PHKB: variants seen among roughly 807,000 people sequenced by gnomAD.
PHKB encodes phosphorylase b kinase regulatory subunit beta.
In PHKB, 122 loss-of-function variants were observed where a neutral mutation model predicts 152.1. The observed-to-expected ratio is 0.80, with a 90% CI of 0.69 to 0.93. PHKB has a LOEUF of 0.93. PHKB is among the 40% of genes least tolerant of loss of function. PHKB has a pLI of 0.00. For missense variants in PHKB, 1,304 were observed against 1,328.4 expected, an observed-to-expected ratio of 0.98 and a Z score of 0.29; for synonymous variants, 436 against 464.9, an observed-to-expected ratio of 0.94 and a Z score of 0.80.
In PHKB at chr16:47,654,694, T is replaced by A. The variant is rs1973301736; in HGVS notation, c.1971+3773T>A. 2.6e-5 allele frequency among the ~76,000 whole-genome samples: 4 copies of A among 151,342 alleles called. No individual in the cohort carries two copies. In the South Asian group the frequency reaches 8.3e-4, roughly 31 times the overall value. ...GGAAACCATCATTCTCAGCAAACTA[T>A]CGCAAGGACGGAAAACCGAACACCA... On this transcript the variant is annotated intron_variant, in intron 20 of 30. Transcript: ENST00000323584.
chr16:47,616,695 T>TTAATATATGATATTTTACATA (rs1972524945), intron 14 of PHKB, among the ~76,000 whole-genome samples: 1 of 149,460 alleles, frequency 6.7e-6, no homozygotes, highest in African/African-American at 2.4e-5. Flanking sequence ...ATATTATATA[T>TTAATATATGATATTTTACATA]TGCCCAGACC....
At chr16:47,639,308 A>G (rs1248996526) in intron 14 of PHKB, among the ~76,000 whole-genome samples, 1 of 152,084 alleles carries the variant, frequency 6.6e-6, no homozygotes, top group Non-Finnish European at 1.5e-5. Context: ...AAACAAATCA[A>G]TGGTGGTGGT....
intron 6 of PHKB, among the ~76,000 whole-genome samples, chr16:47,523,341 A>T (rs1970716298): frequency 6.6e-6 from 1 of 152,028 alleles, no homozygotes; most frequent in Non-Finnish European, 1.5e-5. Context: ...TTTCCTGAAA[A>T]TTTTCTGTGA....
chr16:47,697,934 C>T (rs143539416), intron 29 of PHKB, among the ~76,000 whole-genome samples: 67 of 152,268 alleles, frequency 4.4e-4, no homozygotes, highest in Non-Finnish European at 7.2e-4. Flanking sequence ...ACATGGCCAT[C>T]CCTTGAGAAA....
intron 4 of PHKB, among the ~76,000 whole-genome samples, chr16:47,507,893 C>G (rs1970447832): frequency 6.6e-6 from 1 of 152,120 alleles, no homozygotes; most frequent in Non-Finnish European, 1.5e-5. Flanking sequence ...TGGCCATTTC[C>G]TTTACAATAC....
chr16:47,546,954 A>C (rs982566672), intron 6 of PHKB, among the ~76,000 whole-genome samples: 1 of 152,216 alleles, frequency 6.6e-6, no homozygotes, highest in East Asian at 1.9e-4. Flanking sequence ...TGCCAAGACC[A>C]GTGGAAAAGC....
intron 16 of PHKB, among the ~76,000 whole-genome samples, chr16:47,642,338 G>A (rs1973039957): frequency 6.6e-6 from 1 of 152,138 alleles, no homozygotes. Context: ...ATTTGGGATG[G>A]AATTAAAAGG....
At chr16:47,622,279 C>T (rs1157021465) in intron 14 of PHKB, among the ~76,000 whole-genome samples, 8 of 152,082 alleles carry the variant, frequency 5.3e-5, no homozygotes, top group Admixed American at 4.6e-4. Flanking sequence ...TGTTTTGAAT[C>T]TATTCACATT....
intron 6 of PHKB, among the ~76,000 whole-genome samples, chr16:47,525,160 A>G (rs530308443): frequency 8.7e-4 from 132 of 152,272 alleles, no homozygotes; most frequent in African/African-American, 3.1e-3. Flanking sequence ...AGTATTGCAT[A>G]CGGTTCACTT....
chr16:47,576,694 A>G (rs1971755540), intron 7 of PHKB, among the ~76,000 whole-genome samples: 1 of 152,112 alleles, frequency 6.6e-6, no homozygotes. Flanking sequence ...GATCTTTTTC[A>G]TTATGTATTA....
chr16:47,467,513 A>G (rs942948945), intron 1 of PHKB, among the ~76,000 whole-genome samples: 2 of 152,160 alleles, frequency 1.3e-5, no homozygotes, highest in Middle Eastern at 3.2e-3. Flanking sequence ...TTTGTCTCAG[A>G]TATGCACTGT....
Position 47,689,043 on chromosome 16 carries a change from G to A in PHKB, c.2633G>A (p.Trp878Ter), listed in dbSNP as rs1000274245. 4.3e-6 allele frequency: 7 copies of A among 1,613,872 alleles called. No homozygotes were observed. The highest frequency in any genetic ancestry group is 1.6e-4 in the Middle Eastern group (1 of 6,070). ...FSGMLKIRIG[W>*]IIHAMEYELQ... is the part of the protein sequence containing the mutation. ...ATGCTTCCCCTGTTTTGTTTCAGGT[G>A]GATCATCCATGCCATGGAGTATGAA... The change falls in exon 27 of 31, where the codon TGG (tryptophan) becomes TAG (stop). Residue 878 changes from tryptophan (W) to a stop codon, truncating the protein, a stop_gained and splice_region_variant. Transcript: ENST00000323584. LOFTEE classifies it high-confidence loss of function.
intron 13 of PHKB, among the ~76,000 whole-genome samples, chr16:47,606,415 T>A (rs1310386253): frequency 6.6e-6 from 1 of 152,254 alleles, no homozygotes; most frequent in Non-Finnish European, 1.5e-5. Flanking sequence ...TGGGTACATT[T>A]ATACAAAACT....
Position 47,552,068 on chromosome 16 carries a change from GT to G in PHKB, c.710+4521del, listed in dbSNP as rs768962002. On this transcript the variant is annotated intron_variant, in intron 7 of 30. Coordinates refer to ENST00000323584, the MANE Select transcript of PHKB (RefSeq NM_000293.3). The stretch of plus-strand genomic sequence containing the variant: ...TCTTTTTTTTCTTTCCATTTGCTTG[GT>G]AAATACTCCTCCATCCGTTTATTTT... Among the ~76,000 whole-genome samples, 295 of 152,058 alleles carry G rather than the reference GT, an allele frequency of 1.9e-3. 1 individual carries two copies. Among genetic ancestry groups the G allele is most frequent in the Non-Finnish European group, 2.7e-3 (181 of 68,008 alleles).
chr16:47,566,870 ATTC>A (rs1971578251), intron 7 of PHKB: 2 of 700,320 alleles, frequency 2.9e-6, no homozygotes, highest in South Asian at 1.4e-5. Context: ...TCCCCTTCTT[ATTC>A]TTCTTTTTTG....
At chr16:47,469,772 T>G (rs1437924845) in intron 1 of PHKB, among the ~76,000 whole-genome samples, 1 of 152,148 alleles carries the variant, frequency 6.6e-6, no homozygotes, top group Non-Finnish European at 1.5e-5. Context: ...TTGAAATTAT[T>G]AGAAATAAAT....
At chr16:47,502,876 T>C in intron 3 of PHKB, 115 bp from the exon 4 acceptor site, 1 of 722,566 alleles carries the variant, frequency 1.4e-6, no homozygotes, top group Non-Finnish European at 2.5e-6. Context: ...ACAGAATTGG[T>C]AGACATCACC....
rs565040302 is a variant in PHKB at position 47,691,788 on chromosome 16, T to A, written c.2766-1590T>A. The stretch of plus-strand genomic sequence containing the variant: ...TATATTCATGACTTTTCTGTAAGTC[T>A]GAAATTTTTCAAAATGAAAAGACAA... On this transcript the variant is annotated intron_variant, in intron 27 of 30. Transcript: ENST00000323584. 2.0e-5 allele frequency among the ~76,000 whole-genome samples: 3 copies of A among 152,232 alleles called. No individual in the cohort carries two copies. In the East Asian group the frequency reaches 5.8e-4, roughly 29 times the overall value.
chr16:47,675,800 A>G (rs1226974941), intron 26 of PHKB: 1 of 152,142 alleles, frequency 6.6e-6, no homozygotes, highest in Non-Finnish European at 1.5e-5. Context: ...TGTGGCAAAC[A>G]CCCTAAAATC....
Sources: allele counts gnomAD v4.1 joint callset (sites outside exome capture counted in the v4.1 genomes callset), GRCh38; gene constraint gnomAD v4.1.1; transcripts MANE v1.5; gene names NCBI Gene and HGNC (gene_info 2026-07-23, HGNC 2026-07-21).